MYRIP: variants seen among roughly 807,000 people sequenced by gnomAD.
The protein encoded by MYRIP is rab effector MyRIP.
In MYRIP, 49 loss-of-function variants were observed where a neutral mutation model predicts 98.0. The observed-to-expected ratio is 0.50, with a 90% CI of 0.40 to 0.63. The LOEUF (loss-of-function observed/expected upper bound fraction) is 0.63. Ranked by LOEUF, MYRIP falls within the 30% of genes least tolerant of loss-of-function variation. The pLI, the probability that MYRIP is intolerant of heterozygous loss-of-function variation, is 0.00. For synonymous variants in MYRIP, 404 were observed against 409.5 expected (o/e 0.99, Z 0.16); for missense variants, 1,004 against 1,058.2 (o/e 0.95, Z 0.71).
chr3:39,919,910 G>T (rs897397067), intron 2 of MYRIP, among the ~76,000 whole-genome samples: 2 of 152,096 alleles, frequency 1.3e-5, no homozygotes, highest in Admixed American at 6.6e-5. Flanking sequence ...GTTCATTGAT[G>T]CTAGTTTGTT....
intron 2 of MYRIP, among the ~76,000 whole-genome samples, chr3:40,013,028 G>A (rs999087935): frequency 6.6e-6 from 1 of 152,124 alleles, no homozygotes; most frequent in Non-Finnish European, 1.5e-5. Context: ...ACTTACTGAG[G>A]GAGGAATTAC....
chr3:40,222,021 G>T (rs1388934996), intron 11 of MYRIP, among the ~76,000 whole-genome samples: 1 of 152,080 alleles, frequency 6.6e-6, no homozygotes, highest in African/African-American at 2.4e-5. Flanking sequence ...CCAAAATTAG[G>T]GCTTAACCCA....
intron 11 of MYRIP, among the ~76,000 whole-genome samples, chr3:40,231,402 C>G (rs1414542621): frequency 6.6e-6 from 1 of 152,204 alleles, no homozygotes; most frequent in Non-Finnish European, 1.5e-5. Flanking sequence ...ACAGAGCTGG[C>G]ACACCATAGG....
intron 2 of MYRIP, among the ~76,000 whole-genome samples, chr3:39,952,301 A>G (rs887334749): frequency 3.9e-5 from 6 of 152,072 alleles, no homozygotes; most frequent in Admixed American, 3.9e-4. Flanking sequence ...CACTCAATGC[A>G]TTGTTTTCAC....
At chr3:40,241,622 T>C (rs1226273546) in intron 12 of MYRIP, among the ~76,000 whole-genome samples, 1 of 152,180 alleles carries the variant, frequency 6.6e-6, no homozygotes. Context: ...CTCTTTATTC[T>C]AGAGAATTTA....
At chr3:40,019,753 G>A (rs541665386) in intron 2 of MYRIP, among the ~76,000 whole-genome samples, 5 of 144,030 alleles carry the variant, frequency 3.5e-5, no homozygotes, top group Non-Finnish European at 6.1e-5. Context: ...CACATAAAAT[G>A]TGTTTTTTTT....
chr3:39,817,097 C>T (rs1000467240), intron 1 of MYRIP, among the ~76,000 whole-genome samples: 1 of 152,176 alleles, frequency 6.6e-6, no homozygotes, highest in Non-Finnish European at 1.5e-5. Flanking sequence ...CATGATAGTG[C>T]AAATTCATTG....
At chr3:39,917,448 A>T (rs1032142041) in intron 2 of MYRIP, among the ~76,000 whole-genome samples, 7 of 121,710 alleles carry the variant, frequency 5.8e-5, no homozygotes, top group South Asian at 2.9e-4. Context: ...AAGAAAATTT[A>T]AAAAAAATAA....
intron 1 of MYRIP, among the ~76,000 whole-genome samples, chr3:39,843,064 A>G (rs1470882598): frequency 1.3e-5 from 2 of 152,224 alleles, no homozygotes. Flanking sequence ...TGAAACCCGC[A>G]GTGGATCAGG....
At chr3:39,814,606 C>T (rs1033355205) in intron 1 of MYRIP, among the ~76,000 whole-genome samples, 1 of 152,042 alleles carries the variant, frequency 6.6e-6, no homozygotes, top group Non-Finnish European at 1.5e-5. Flanking sequence ...TGCTAATTTC[C>T]GTTATATCCT....
chr3:39,859,545 A>G (rs1942402293), intron 1 of MYRIP, among the ~76,000 whole-genome samples: 1 of 152,240 alleles, frequency 6.6e-6, no homozygotes. Flanking sequence ...TTACATGGAT[A>G]CTAGAGCAAG....
chr3:39,969,953 C>CT (rs910104037), intron 2 of MYRIP, among the ~76,000 whole-genome samples: 2 of 151,974 alleles, frequency 1.3e-5, no homozygotes, highest in African/African-American at 4.8e-5. Context: ...AGGTCCCAGG[C>CT]TTTTTTTGGT....
chr3:40,090,400 G>C (rs1380401150), intron 3 of MYRIP, among the ~76,000 whole-genome samples: 3 of 152,110 alleles, frequency 2.0e-5, no homozygotes, highest in Non-Finnish European at 4.4e-5. Context: ...GGAAAGGAAG[G>C]GGCAGTGGGG....
At chr3:40,220,370 T>A (rs1002033669) in intron 11 of MYRIP, among the ~76,000 whole-genome samples, 3 of 152,228 alleles carry the variant, frequency 2.0e-5, no homozygotes, top group African/African-American at 7.2e-5. Flanking sequence ...TTGTCTTTTG[T>A]TGCCATTGCT....
At chr3:39,952,164 A>G (rs1194233541) in intron 2 of MYRIP, among the ~76,000 whole-genome samples, 1 of 152,184 alleles carries the variant, frequency 6.6e-6, no homozygotes, top group African/African-American at 2.4e-5. Context: ...TCTTTTGCAC[A>G]TGGCTTCTTT....
chr3:39,876,332 C>T (rs375276853), intron 1 of MYRIP, among the ~76,000 whole-genome samples: 13 of 152,212 alleles, frequency 8.5e-5, no homozygotes, highest in East Asian at 1.9e-4. Context: ...GAGCATTTAG[C>T]CCATTTACAT....
intron 2 of MYRIP, among the ~76,000 whole-genome samples, chr3:40,006,728 A>G (rs1946643765): frequency 6.6e-6 from 1 of 152,206 alleles, no homozygotes; most frequent in African/African-American, 2.4e-5. Context: ...AAAATTCTGT[A>G]TTTGCAGTAT....
intron 3 of MYRIP, among the ~76,000 whole-genome samples, chr3:40,121,475 G>T (rs1359103999): frequency 6.6e-6 from 1 of 150,432 alleles, no homozygotes; most frequent in Non-Finnish European, 1.5e-5. Context: ...TTCTTCTTCT[G>T]CTCCCCCATC....
At chr3:40,218,624 A>ATATATATTTTT (rs1553629244) in intron 11 of MYRIP, among the ~76,000 whole-genome samples, 1 of 12,270 alleles carries the variant, frequency 8.1e-5, no homozygotes, top group African/African-American at 1.3e-4. Context: ...ATATATATAT[A>ATATATATTTTT]TATATATATA....
Sources: gnomAD v4.1 joint callset for allele counts (sites outside exome capture counted in the v4.1 genomes callset) on GRCh38, gnomAD v4.1.1 for gene constraint, MANE v1.5 for transcripts, NCBI Gene and HGNC (gene_info 2026-07-23, HGNC 2026-07-21) for gene names.